SEMA3A: variants seen among roughly 807,000 people sequenced by gnomAD.
The protein encoded by SEMA3A is semaphorin 3A.
SEMA3A carries 29 observed loss-of-function variants against 97.9 expected under a neutral mutation model. That is an observed-to-expected ratio of 0.30 (90% CI 0.22 to 0.40). The LOEUF is 0.40. Among genes scored for constraint, SEMA3A ranks in the 10% least tolerant of loss-of-function variants. The pLI, the probability that SEMA3A is intolerant of heterozygous loss-of-function variation, is 1.00. For missense variants in SEMA3A, 763 were observed against 951.3 expected (o/e 0.80, Z 2.60); for synonymous variants, 321 against 323.7 (o/e 0.99, Z 0.09).
chr7:83,989,138 C>A (rs1278322885), intron 12 of SEMA3A, among the ~76,000 whole-genome samples: 2 of 151,986 alleles, frequency 1.3e-5, no homozygotes, highest in East Asian at 3.9e-4. Context: ...TGAAGGTTTT[C>A]ATGACATAAA....
intron 3 of SEMA3A, among the ~76,000 whole-genome samples, chr7:84,249,641 A>G (rs1192306594): frequency 6.6e-6 from 1 of 152,062 alleles, no homozygotes; most frequent in Non-Finnish European, 1.5e-5. Flanking sequence ...CAAATACTAT[A>G]TGATACTGAA....
chr7:84,306,464 A>T (rs1457244085), intron 3 of SEMA3A: 2 of 152,122 alleles, frequency 1.3e-5, no homozygotes, highest in African/African-American at 4.8e-5. Flanking sequence ...AGTCCCATAC[A>T]ATATAGATCT....
intron 1 of SEMA3A, among the ~76,000 whole-genome samples, chr7:84,453,886 C>G (rs765296497): frequency 2.0e-5 from 3 of 151,578 alleles, no homozygotes; most frequent in Non-Finnish European, 4.4e-5. Flanking sequence ...ACTTTTTTTT[C>G]TAGAAAAGAA....
At chr7:84,036,459 T>A (rs1481150131) in intron 6 of SEMA3A, among the ~76,000 whole-genome samples, 2 of 152,116 alleles carry the variant, frequency 1.3e-5, no homozygotes, top group Non-Finnish European at 2.9e-5. Context: ...ACTGTGCTAT[T>A]ATCAGTGATT....
intron 5 of SEMA3A, among the ~76,000 whole-genome samples, chr7:84,047,488 C>T (rs548329959): frequency 1.2e-4 from 18 of 152,074 alleles, no homozygotes; most frequent in Admixed American, 2.6e-4. Flanking sequence ...TCTGTTTAAT[C>T]CCAAGCCTTT....
At chr7:84,324,526 C>A (rs1253462016) in intron 2 of SEMA3A, among the ~76,000 whole-genome samples, 2 of 151,980 alleles carry the variant, frequency 1.3e-5, no homozygotes, top group Non-Finnish European at 2.9e-5. Flanking sequence ...ATGGCTGAAA[C>A]AAAACAAATG....
intron 3 of SEMA3A, among the ~76,000 whole-genome samples, chr7:84,299,433 C>T (rs1050199804): frequency 2.0e-5 from 3 of 148,892 alleles, no homozygotes; most frequent in Non-Finnish European, 4.4e-5. Flanking sequence ...CCTGATTAAT[C>T]ATTTGGTAGT....
At chr7:84,033,928 T>C (rs1318199496) in intron 6 of SEMA3A, among the ~76,000 whole-genome samples, 1 of 152,142 alleles carries the variant, frequency 6.6e-6, no homozygotes, top group Non-Finnish European at 1.5e-5. Context: ...ACACAGATCT[T>C]TGGTTTGTGA....
chr7:84,262,729 TTAAAC>T (rs1799889127), intron 3 of SEMA3A, among the ~76,000 whole-genome samples: 1 of 152,242 alleles, frequency 6.6e-6, no homozygotes. Context: ...GCACTTAAAC[TTAAAC>T]TAGTTTTTAT....
At position 84,099,070 on chromosome 7, in the gene SEMA3A, T is replaced by C. The variant is rs938234508; in HGVS notation, c.453+11400A>G. Among the ~76,000 whole-genome samples the C allele has an allele frequency of 2.0e-4, 10 of 49,366 alleles. 4 individuals are homozygous for C. The highest frequency in any genetic ancestry group is 6.5e-4 in the Non-Finnish European group (10 of 15,384). 32.4% of individuals were successfully genotyped at this position (49,366 alleles called of 152,430 possible). On this transcript the variant is annotated intron_variant, in intron 4 of 16. Transcript: ENST00000265362. ...TTAATCAGGAATTACATTTTCTTTTTTTTTCTTTTTTTTTTTTTGAGACGG... is the reference window on the plus strand; with the variant it reads ...TTAATCAGGAATTACATTTTCTTTTCTTTTCTTTTTTTTTTTTTGAGACGG...
In SEMA3A at chr7:84,074,861, C is replaced by G. The variant is rs1745954470; in HGVS notation, c.454-14303G>C. Among the ~76,000 whole-genome samples, 3 of 152,132 alleles carry G rather than the reference C, an allele frequency of 2.0e-5. 1 individual carries two copies. The South Asian group carries it at 6.2e-4, about 32-fold the overall frequency. On this transcript the variant is annotated intron_variant, in intron 4 of 16. Transcript: ENST00000265362. ...AGGAAAAAAATCTCAGCAACTACAACTACAAAGCAACTATAATTGTTTAAT... is the reference window on the plus strand; with the variant it reads ...AGGAAAAAAATCTCAGCAACTACAAGTACAAAGCAACTATAATTGTTTAAT...
intron 6 of SEMA3A, 70 bp downstream of exon 6, chr7:84,046,254 A>G: frequency 6.4e-7 from 1 of 1,561,620 alleles, no homozygotes; most frequent in East Asian, 2.3e-5. Flanking sequence ...CATGTACTGT[A>G]AAAGAGTTCT....
chr7:84,037,124 C>T (rs1791966742), intron 6 of SEMA3A, among the ~76,000 whole-genome samples: 1 of 151,406 alleles, frequency 6.6e-6, no homozygotes, highest in African/African-American at 2.4e-5. Context: ...ACATTCTTTG[C>T]AGATTCCTTC....
chr7:84,390,152 A>G (rs1433845314), intron 1 of SEMA3A, among the ~76,000 whole-genome samples: 1 of 152,048 alleles, frequency 6.6e-6, no homozygotes, highest in Non-Finnish European at 1.5e-5. Context: ...TACAATAAAT[A>G]CATGATTGTG....
chr7:84,305,346 A>ATACG (rs1440836759), intron 3 of SEMA3A, among the ~76,000 whole-genome samples: 1 of 151,890 alleles, frequency 6.6e-6, no homozygotes, highest in African/African-American at 2.4e-5. Context: ...ATCCTAGCTT[A>ATACG]TATGTGTGTT....
intron 1 of SEMA3A, among the ~76,000 whole-genome samples, chr7:84,154,321 G>A (rs114100690): frequency 7.2e-5 from 11 of 152,028 alleles, no homozygotes; most frequent in Admixed American, 1.3e-4. Flanking sequence ...ACATTTCTTA[G>A]GCTAATTATT....
At chr7:84,195,221 G>C (rs1798193459), upstream of SEMA3A, 1 of 152,074 alleles carries the variant, frequency 6.6e-6, no homozygotes, top group Admixed American at 6.5e-5. Context: ...AAAACATCTC[G>C]TAGAGATTAG....
intron 1 of SEMA3A, among the ~76,000 whole-genome samples, chr7:84,406,825 G>C (rs558692298): frequency 6.0e-4 from 91 of 152,266 alleles, no homozygotes; most frequent in African/African-American, 2.1e-3. Context: ...AATAGATGCA[G>C]AAAAGGCCTT....
chr7:84,430,637 T>C (rs1194511787), intron 1 of SEMA3A, among the ~76,000 whole-genome samples: 1 of 151,988 alleles, frequency 6.6e-6, no homozygotes, highest in African/African-American at 2.4e-5. Flanking sequence ...TCTGACTCCA[T>C]GTTTGATAAT....
Sources: gnomAD v4.1 joint callset for allele counts (sites outside exome capture counted in the v4.1 genomes callset) on GRCh38, gnomAD v4.1.1 for gene constraint, MANE v1.5 for transcripts, NCBI Gene and HGNC (gene_info 2026-07-23, HGNC 2026-07-21) for gene names.